PLD5: variants seen among roughly 807,000 people sequenced by gnomAD.
PLD5 encodes the protein phospholipase D family member 5, also known as inactive phospholipase D5.
Under a neutral mutation model 61.1 loss-of-function variants are expected in PLD5, and 36 were observed. The observed-to-expected ratio is 0.59, with a 90% CI of 0.45 to 0.78. The LOEUF (loss-of-function observed/expected upper bound fraction) is 0.78. Among genes scored for constraint, PLD5 ranks in the 30% least tolerant of loss-of-function variants. The pLI is 0.00. For synonymous variants in PLD5, 243 were observed against 242.8 expected (o/e 1.00, Z -0.01); for missense variants, 515 against 644.4 (o/e 0.80, Z 2.17).
At chr1:242,519,745 G>A (rs1017663894) in intron 1 of PLD5, among the ~76,000 whole-genome samples, 4 of 152,134 alleles carry the variant, frequency 2.6e-5, no homozygotes, top group African/African-American at 9.7e-5. Flanking sequence ...GAAGAGTCAG[G>A]CCCCCAGATG....
intron 9 of PLD5, among the ~76,000 whole-genome samples, chr1:242,100,222 T>C (rs1660577995): frequency 6.6e-6 from 1 of 152,174 alleles, no homozygotes; most frequent in Admixed American, 6.5e-5. Flanking sequence ...ATTTGGAAGA[T>C]AGCAGGGATG....
intron 5 of PLD5, among the ~76,000 whole-genome samples, chr1:242,167,243 G>C (rs1386510237): frequency 1.3e-5 from 2 of 152,080 alleles, no homozygotes; most frequent in African/African-American, 4.8e-5. Context: ...TGCTAATAAA[G>C]ACATATCCAA....
chr1:242,522,262 TGAA>T (rs1267493608), intron 1 of PLD5, among the ~76,000 whole-genome samples: 1 of 152,212 alleles, frequency 6.6e-6, no homozygotes, highest in African/African-American at 2.4e-5. Context: ...AGTATCTGAG[TGAA>T]GAAGAAAGCA....
chr1:242,180,993 C>A (rs760214132), intron 5 of PLD5, among the ~76,000 whole-genome samples: 4 of 151,776 alleles, frequency 2.6e-5, no homozygotes, highest in Non-Finnish European at 5.9e-5. Flanking sequence ...AAAAAACAAA[C>A]AAACAAACAA....
At chr1:242,262,030 G>A (rs544272243) in intron 4 of PLD5, among the ~76,000 whole-genome samples, 1 of 152,236 alleles carries the variant, frequency 6.6e-6, no homozygotes, top group East Asian at 1.9e-4. Flanking sequence ...GTACAAGAAT[G>A]CTCATAGCAG....
intron 5 of PLD5, among the ~76,000 whole-genome samples, chr1:242,139,253 G>T (rs867615914): frequency 3.4e-5 from 5 of 149,140 alleles, no homozygotes; most frequent in Admixed American, 6.7e-5. Flanking sequence ...TTTCAGTTAG[G>T]TTTTTTTTTT....
At chr1:242,283,218 A>G (rs892574267) in intron 3 of PLD5, among the ~76,000 whole-genome samples, 27 of 152,198 alleles carry the variant, frequency 1.8e-4, no homozygotes, top group African/African-American at 6.5e-4. Flanking sequence ...CAGAGACCAG[A>G]TCAATAAAAT....
At chr1:242,485,704 GA>G (rs1368993862) in intron 1 of PLD5, among the ~76,000 whole-genome samples, 1 of 152,118 alleles carries the variant, frequency 6.6e-6, no homozygotes, top group African/African-American at 2.4e-5. Context: ...CACAGAATTG[GA>G]AAAAATTACT....
intron 1 of PLD5, among the ~76,000 whole-genome samples, chr1:242,475,062 A>G (rs758740213): frequency 2.0e-5 from 3 of 152,248 alleles, no homozygotes; most frequent in Non-Finnish European, 4.4e-5. Context: ...TAAATGCTGC[A>G]TTGAAAGGCT....
Position 242,220,032 on chromosome 1 carries a change from C to G in PLD5, c.691G>C (p.Val231Leu), listed in dbSNP as rs763027203. ...SSFWIVDKQH[V>L]YIGSAGLDWQ... ...TCCAAACCGGCACTGCCGATATACA[C>G]GTGCTGTTTGTCCACGATCCAGAAG... The change falls in exon 5 of 10, where the codon GTG (valine) becomes CTG (leucine). Residue 231 changes from valine (V) to leucine (L), a missense_variant. Coordinates refer to ENST00000536534, the MANE Select transcript of PLD5 (RefSeq NM_001372062.1). 6.2e-7 allele frequency: 1 copy of G among 1,614,206 alleles called. No homozygotes were observed. Among genetic ancestry groups the G allele is most frequent in the Non-Finnish European group, 8.5e-7 (1 of 1,180,024 alleles).
At chr1:242,109,388 G>A (rs2148691183) in intron 7 of PLD5, among the ~76,000 whole-genome samples, 1 of 152,182 alleles carries the variant, frequency 6.6e-6, no homozygotes, top group African/African-American at 2.4e-5. Context: ...TGAGGCAGGA[G>A]AATCACTTGA....
intron 4 of PLD5, among the ~76,000 whole-genome samples, chr1:242,222,271 C>G (rs369959368): frequency 6.6e-6 from 1 of 152,150 alleles, no homozygotes; most frequent in African/African-American, 2.4e-5. Context: ...CTGGGGATTA[C>G]ATCTTCTACA....
intron 5 of PLD5, among the ~76,000 whole-genome samples, chr1:242,165,103 C>T (rs1008878227): frequency 1.3e-5 from 2 of 152,080 alleles, no homozygotes; most frequent in African/African-American, 4.8e-5. Flanking sequence ...CCACCTCTCC[C>T]CTTTTCACTT....
chr1:242,305,435 A>G (rs1676293131), intron 2 of PLD5, among the ~76,000 whole-genome samples: 2 of 152,236 alleles, frequency 1.3e-5, no homozygotes, highest in Non-Finnish European at 2.9e-5. Context: ...ATCTCTCAAA[A>G]CATGCAGGAT....
At chr1:242,247,303 A>G (rs1231227767) in intron 4 of PLD5, among the ~76,000 whole-genome samples, 2 of 152,154 alleles carry the variant, frequency 1.3e-5, no homozygotes, top group East Asian at 1.9e-4. Context: ...TTAGTTGGCA[A>G]TTGGTTGAAA....
intron 5 of PLD5, among the ~76,000 whole-genome samples, chr1:242,143,436 G>C (rs1664322162): frequency 6.6e-6 from 1 of 152,170 alleles, no homozygotes; most frequent in Admixed American, 6.5e-5. Flanking sequence ...AGTTTGATTG[G>C]TGAATGACTG....
At chr1:242,483,418 G>A (rs1407887348) in intron 1 of PLD5, among the ~76,000 whole-genome samples, 2 of 152,156 alleles carry the variant, frequency 1.3e-5, no homozygotes, top group African/African-American at 4.8e-5. Flanking sequence ...CCAAGTCTCT[G>A]ATAAAACAGA....
At chr1:242,369,959 C>A (rs1411662497) in intron 1 of PLD5, among the ~76,000 whole-genome samples, 1 of 152,168 alleles carries the variant, frequency 6.6e-6, no homozygotes, top group Non-Finnish European at 1.5e-5. Flanking sequence ...AGAGAATACC[C>A]AGAGATCATC....
chr1:242,112,321 G>GTGTGTA (rs1553301149), intron 7 of PLD5, among the ~76,000 whole-genome samples: 2 of 82,448 alleles, frequency 2.4e-5, no homozygotes, highest in Non-Finnish European at 4.5e-5. Context: ...GTGTGTGTGT[G>GTGTGTA]TGTATGTATG....
Sources: gnomAD v4.1 joint callset for allele counts (sites outside exome capture counted in the v4.1 genomes callset) on GRCh38, gnomAD v4.1.1 for gene constraint, MANE v1.5 for transcripts, NCBI Gene and HGNC (gene_info 2026-07-23, HGNC 2026-07-21) for gene names.